MGAT5B: variants seen among roughly 807,000 people sequenced by gnomAD.
MGAT5B encodes the protein alpha-1,6-mannosylglycoprotein 6-beta-N-acetylglucosaminyltransferase B, also known as N-acetylglucosaminyl-transferase Vb.
A neutral mutation model predicts 95.1 loss-of-function variants in MGAT5B; 54 were observed. The observed-to-expected ratio is 0.57, with a 90% CI of 0.46 to 0.71. The LOEUF (loss-of-function observed/expected upper bound fraction) is 0.71. MGAT5B is among the 30% of genes least tolerant of loss of function. The pLI, the probability that MGAT5B is intolerant of heterozygous loss-of-function variation, is 0.00. For synonymous variants in MGAT5B, 464 were observed against 451.0 expected (o/e 1.03, Z -0.36); for missense variants, 935 against 1,088.6 (o/e 0.86, Z 1.99).
At chr17:76,878,668 T>C (rs1237742529) in intron 2 of MGAT5B, among the ~76,000 whole-genome samples, 1 of 151,754 alleles carries the variant, frequency 6.6e-6, no homozygotes, top group East Asian at 1.9e-4. Context: ...TGAAAAGGGG[T>C]TTTGCCATGT....
chr17:76,886,269 G>A (rs1207567391), intron 3 of MGAT5B, among the ~76,000 whole-genome samples: 1 of 152,152 alleles, frequency 6.6e-6, no homozygotes, highest in East Asian at 1.9e-4. Context: ...AGGTGGAGGG[G>A]ACACAAAAAA....
intron 10 of MGAT5B, 57 bp downstream of exon 10, chr17:76,926,787 G>A (rs1969328105): frequency 6.3e-7 from 1 of 1,588,974 alleles, no homozygotes; most frequent in Admixed American, 1.7e-5. Flanking sequence ...GTTCTCAGAG[G>A]TGACACGAGA....
intron 2 of MGAT5B, among the ~76,000 whole-genome samples, chr17:76,876,599 GC>G (rs894549156): frequency 2.6e-5 from 4 of 152,186 alleles, no homozygotes; most frequent in South Asian, 4.1e-4. Context: ...GGAGGAGAAG[GC>G]TTTTCTCGAA....
At chr17:76,947,303 AC>A (rs1253634835) in intron 16 of MGAT5B, among the ~76,000 whole-genome samples, 1 of 152,006 alleles carries the variant, frequency 6.6e-6, no homozygotes, top group Non-Finnish European at 1.5e-5. Context: ...GAATACTGAA[AC>A]CCCCAGAAGG....
chr17:76,892,753 A>C lies in MGAT5B; in HGVS notation c.330-9802A>C, dbSNP rs576876366. Among the ~76,000 whole-genome samples the C allele has an allele frequency of 1.5e-4, 23 of 152,326 alleles. No homozygotes were observed. In the South Asian group the frequency reaches 4.8e-3, roughly 32 times the overall value. ...CCTGCTCTCCCAGCAACGATATGGG[A>C]CAACACACATGCGTGTTGCCAGCCT... is the stretch of plus-strand genomic sequence containing the variant. On this transcript the variant is annotated intron_variant, in intron 3 of 17. Transcript: ENST00000569840.
intron 2 of MGAT5B, among the ~76,000 whole-genome samples, chr17:76,877,767 G>C (rs1967246795): frequency 6.6e-6 from 1 of 152,174 alleles, no homozygotes; most frequent in Non-Finnish European, 1.5e-5. Context: ...GGAGGTCTCT[G>C]CTTTCTGGAG....
rs114175166 is a variant in MGAT5B at position 76,917,246 on chromosome 17, G to C, written c.1026-7720G>C. On this transcript the variant is annotated intron_variant, in intron 8 of 17. Transcript: ENST00000569840. This position sits in a 1 kb window ranked among gnomAD's most constrained non-coding sequence, Gnocchi z 6.1. ...AGCCAGGCAGGTCCGAATGTTCCTC[G>C]AAGTCAGTTTCTTTGCTGTGTCTCC... Among the ~76,000 whole-genome samples the C allele has an allele frequency of 6.6e-6, 1 of 152,074 alleles. No individual in the cohort carries two copies. The highest frequency in any genetic ancestry group is 2.1e-4 in the South Asian group (1 of 4,820).
At chr17:76,880,744 GTT>G (rs1967381160) in intron 2 of MGAT5B, among the ~76,000 whole-genome samples, 1 of 152,158 alleles carries the variant, frequency 6.6e-6, no homozygotes, top group African/African-American at 2.4e-5. Context: ...ACTGCAGTGT[GTT>G]CTACATGGTC....
intron 3 of MGAT5B, among the ~76,000 whole-genome samples, chr17:76,893,488 ATGCATG>A (rs1967955511): frequency 6.6e-6 from 1 of 152,220 alleles, no homozygotes; most frequent in African/African-American, 2.4e-5. Context: ...CTCTCTTAAA[ATGCATG>A]TAACAAAGAC....
chr17:76,868,461 G>C lies in MGAT5B; in HGVS notation c.-569G>C, dbSNP rs951218632. The C allele has an allele frequency of 6.6e-6, 1 of 150,426 alleles. No homozygotes were observed. Among genetic ancestry groups the C allele is most frequent in the African/African-American group, 2.4e-5 (1 of 41,238 alleles). The allele number at this position is 150,426 out of a possible 1,614,324, so 9.3% of individuals were successfully genotyped here. A position where few individuals can be genotyped will look rare whatever the true frequency, so the allele number is the denominator to read the frequency against. ...GCCTCCGGGCGTAGCGTCGCGCGGG[G>C]CCGGACGCCGGACACCAGAGCGCGG... On this transcript the variant is annotated 5_prime_UTR_variant, in exon 1 of 18. Coordinates refer to ENST00000569840, the MANE Select transcript of MGAT5B (RefSeq NM_001199172.2). The surrounding 1 kb of genome is among the most constrained non-coding windows in gnomAD (Gnocchi z 6.3).
chr17:76,869,326 G>A lies in MGAT5B; in HGVS notation c.68+229G>A, dbSNP rs1966908189. On this transcript the variant is annotated intron_variant, in intron 1 of 17. Transcript: ENST00000569840. This position sits in a 1 kb window ranked among gnomAD's most constrained non-coding sequence, Gnocchi z 7.0. ...ACCTGTCCCGAGTTGGGCAGGGTTG[G>A]AGAGGACTCGGGGTGCAGAGGTAAG... Among the ~76,000 whole-genome samples, 1 of 152,054 alleles carries A rather than the reference G, an allele frequency of 6.6e-6. No homozygotes were observed. The highest frequency in any genetic ancestry group is 1.5e-5 in the Non-Finnish European group (1 of 68,004).
At chr17:76,896,927 C>CT (rs1397898934) in intron 3 of MGAT5B, among the ~76,000 whole-genome samples, 11 of 149,550 alleles carry the variant, frequency 7.4e-5, no homozygotes, top group South Asian at 4.3e-4. Flanking sequence ...CTCTCTCTCT[C>CT]TTTTTTTTTT....
At chr17:76,907,779 C>T (rs898087414) in intron 8 of MGAT5B, among the ~76,000 whole-genome samples, 1 of 152,134 alleles carries the variant, frequency 6.6e-6, no homozygotes, top group Non-Finnish European at 1.5e-5. Flanking sequence ...AAGATAATGC[C>T]GAATTGTCTT....
At chr17:76,946,348 C>A in intron 15 of MGAT5B, 28 bp from the exon 16 acceptor site, 1 of 1,592,212 alleles carries the variant, frequency 6.3e-7, no homozygotes, top group Non-Finnish European at 8.6e-7. Context: ...CTTCTCCCGC[C>A]CCATGTGTCT....
rs9905804 is a variant in MGAT5B, at chr17:76,916,898, C to T, written c.1026-8068C>T. The stretch of plus-strand genomic sequence containing the variant: ...CAGGGAGACTGGAAGGAGCCACCCA[C>T]GGGAAGGGTCAAACTCAGGGGTTCC... On this transcript the variant is annotated intron_variant, in intron 8 of 17. Coordinates refer to ENST00000569840, the MANE Select transcript of MGAT5B (RefSeq NM_001199172.2). This position sits in a 1 kb window ranked among gnomAD's most constrained non-coding sequence, Gnocchi z 5.3. Among the ~76,000 whole-genome samples, 30,185 of 151,958 alleles carry T rather than the reference C, an allele frequency of 0.2. 3,379 individuals carry two copies. The highest frequency in any genetic ancestry group is 0.37 in the East Asian group (1,930 of 5,158).
Position 76,917,266 on chromosome 17 carries a change from G to A in MGAT5B, c.1026-7700G>A, listed in dbSNP as rs1311358238. ...TCCTCGAAGTCAGTTTCTTTGCTGT[G>A]TCTCCGGCCTCTGCAGGGCCGTCCA... On this transcript the variant is annotated intron_variant, in intron 8 of 17. Coordinates refer to ENST00000569840, the MANE Select transcript of MGAT5B (RefSeq NM_001199172.2). This position sits in a 1 kb window ranked among gnomAD's most constrained non-coding sequence, Gnocchi z 6.1. Among the ~76,000 whole-genome samples the A allele has an allele frequency of 6.6e-6, 1 of 152,012 alleles. No individual in the cohort carries two copies.
chr17:76,912,488 G>A lies in MGAT5B; in HGVS notation c.1025+6301G>A, dbSNP rs1003891017. On this transcript the variant is annotated intron_variant, in intron 8 of 17. Coordinates refer to ENST00000569840, the MANE Select transcript of MGAT5B (RefSeq NM_001199172.2). The surrounding 1 kb of genome is among the most constrained non-coding windows in gnomAD (Gnocchi z 5.0). ...AAATGTCTCCCTTGGCTGGCGAAAT[G>A]ACCTGCGTGGGAGGCGGTGGGACAA... Among the ~76,000 whole-genome samples, 3 of 152,170 alleles carry A rather than the reference G, an allele frequency of 2.0e-5. No individual in the cohort carries two copies. The highest frequency in any genetic ancestry group is 4.4e-5 in the Non-Finnish European group (3 of 68,030).
chr17:76,893,032 G>A (rs1967934522), intron 3 of MGAT5B, among the ~76,000 whole-genome samples: 1 of 152,164 alleles, frequency 6.6e-6, no homozygotes, highest in Non-Finnish European at 1.5e-5. Context: ...TCTAATGTGT[G>A]GGTGTGGACA....
rs1399247942 is a variant in MGAT5B, at chr17:76,882,502, T to C, written c.329+204T>C. On this transcript the variant is annotated intron_variant, in intron 3 of 17. Coordinates refer to ENST00000569840, the MANE Select transcript of MGAT5B (RefSeq NM_001199172.2). The stretch of plus-strand genomic sequence containing the variant: ...TTTGTGGCCTGTTTTCCTCTTTAAA[T>C]AAAACGTCACAGATGAAAACTAAAA... 6.5e-5 allele frequency: 37 copies of C among 569,412 alleles called. No homozygotes were observed. The East Asian group carries it at 1.2e-3, about 19-fold the overall frequency. The allele number at this position is 569,412 out of a possible 1,614,324, so 35.3% of individuals were successfully genotyped here. A position where few individuals can be genotyped will look rare whatever the true frequency, so the allele number is the denominator to read the frequency against.
Sources: gnomAD v4.1 joint callset for allele counts (sites outside exome capture counted in the v4.1 genomes callset) on GRCh38, gnomAD v4.1.1 for gene constraint, Gnocchi (gnomAD v3.1) non-coding constraint, MANE v1.5 for transcripts, NCBI Gene and HGNC (gene_info 2026-07-23, HGNC 2026-07-21) for gene names.